ATP10A: variants seen among roughly 807,000 people sequenced by gnomAD.
ATP10A encodes ATPase phospholipid transporting 10A (putative), also known as phospholipid-transporting ATPase VA.
A neutral mutation model predicts 147.8 loss-of-function variants in ATP10A; 111 were observed. The observed-to-expected ratio is 0.75, with a 90% CI of 0.64 to 0.88. The LOEUF (loss-of-function observed/expected upper bound fraction) is 0.88. Ranked by LOEUF, ATP10A falls within the 40% of genes least tolerant of loss-of-function variation. The probability of loss-of-function intolerance (pLI) is 0.00; values close to 1 mark genes in which losing one functional copy is unlikely to be tolerated. For synonymous variants in ATP10A, 875 were observed against 841.6 expected (o/e 1.04, Z -0.69); for missense variants, 1,927 against 1,959.0 (o/e 0.98, Z 0.31).
chr15:25,817,192 C>T (rs982092835), intron 1 of ATP10A, among the ~76,000 whole-genome samples: 3 of 152,174 alleles, frequency 2.0e-5, no homozygotes, highest in African/African-American at 4.8e-5. Flanking sequence ...AAGCAGTTCT[C>T]CTGCCTCAGC....
At chr15:25,783,477 A>AC (rs34937685) in intron 1 of ATP10A, among the ~76,000 whole-genome samples, 47,787 of 145,218 alleles carry the variant, frequency 0.33, 7,907 homozygotes, top group East Asian at 0.53. Context: ...GATTTGAGGG[A>AC]CCCCCCCCTG....
At chr15:25,778,269 C>T (rs1482654775) in intron 2 of ATP10A, among the ~76,000 whole-genome samples, 1 of 152,044 alleles carries the variant, frequency 6.6e-6, no homozygotes, top group Non-Finnish European at 1.5e-5. Context: ...AGATTATTAC[C>T]AGTTCTTAAC....
intron 1 of ATP10A, among the ~76,000 whole-genome samples, chr15:25,858,298 G>A (rs149382337): frequency 1.3e-5 from 2 of 152,250 alleles, no homozygotes; most frequent in Non-Finnish European, 1.5e-5. Flanking sequence ...CAGAGATGCT[G>A]TGCTTCCCAG....
downstream of ATP10A, among the ~76,000 whole-genome samples, chr15:25,674,197 A>G (rs534410162): frequency 1.9e-3 from 282 of 152,300 alleles, 1 homozygote; most frequent in African/African-American, 6.5e-3. Flanking sequence ...AGGTCCCCTC[A>G]GGCTTGCTGG....
rs758325304 is a variant in ATP10A, at chr15:25,713,882, G to A, written c.2136C>T (p.Cys712=). 4 of 1,613,766 alleles carry A rather than the reference G, an allele frequency of 2.5e-6. No individual in the cohort carries two copies. The highest frequency in any genetic ancestry group is 1.1e-5 in the South Asian group (1 of 91,090). ...GGTCGTGCAGCCGCTCCACAAGCAC[G>A]CAGTTGTAGGCTCTGGCCGCATACA... ...ALVYAARAYN[C]VLVERLHDQV... is the part of the protein sequence containing the mutation. The change falls in exon 10 of 21, where the codon TGC becomes TGT. Residue 712 remains cysteine, a synonymous_variant. Transcript: ENST00000555815.
chr15:25,850,245 C>A (rs1010121087), intron 1 of ATP10A, among the ~76,000 whole-genome samples: 6 of 152,092 alleles, frequency 3.9e-5, no homozygotes, highest in African/African-American at 1.4e-4. Context: ...GTGGGGAGCA[C>A]CCAGCAGGAA....
chr15:25,694,455 C>A (rs567940157), intron 14 of ATP10A, among the ~76,000 whole-genome samples: 1 of 152,330 alleles, frequency 6.6e-6, no homozygotes, highest in Admixed American at 6.5e-5. Context: ...AAAGGACCTT[C>A]TAAGTTGGCC....
At chr15:25,803,821 C>T (rs1174039902) in intron 1 of ATP10A, among the ~76,000 whole-genome samples, 3 of 152,186 alleles carry the variant, frequency 2.0e-5, no homozygotes, top group Admixed American at 6.5e-5. Flanking sequence ...TGAGTGTAAC[C>T]GGGAGCCGCT....
chr15:25,818,813 C>T (rs1308889059), intron 1 of ATP10A, among the ~76,000 whole-genome samples: 2 of 151,940 alleles, frequency 1.3e-5, no homozygotes, highest in African/African-American at 2.4e-5. Flanking sequence ...CTCACAAAGT[C>T]GACAAAAACG....
In ATP10A at chr15:25,718,310, C is replaced by T. The variant is rs759871370; in HGVS notation, c.1453G>A (p.Gly485Ser). 8 of 1,611,398 alleles carry T rather than the reference C, an allele frequency of 5.0e-6. No individual in the cohort carries two copies. Among genetic ancestry groups the T allele is most frequent in the African/African-American group, 1.3e-5 (1 of 75,016 alleles). ...ACCACCCGGACACTCTGGTGGCTGC[C>T]GATGCTGCCGCGCTGGGACACCGAG... The part of the protein sequence containing the change: ...GGSVSQRGSI[G>S]SHQSVRVVHR... Residue 485 changes from glycine to serine, a missense_variant, in exon 8 of 21, where the codon GGC becomes AGC. Coordinates refer to ENST00000555815, the MANE Select transcript of ATP10A (RefSeq NM_024490.4).
At chr15:25,740,167 A>G (rs891633067) in intron 2 of ATP10A, among the ~76,000 whole-genome samples, 2 of 152,254 alleles carry the variant, frequency 1.3e-5, no homozygotes, top group Non-Finnish European at 2.9e-5. Context: ...TACTCAACAA[A>G]AGCAAATACA....
intron 2 of ATP10A, 27 bp downstream of exon 2, chr15:25,780,992 A>G (rs8038726): frequency 0.82 from 1,313,943 of 1,609,650 alleles, 536,678 homozygotes; most frequent in Middle Eastern, 0.88. Context: ...TAATGCCTGC[A>G]AGGCCCTGGA....
chr15:25,864,757 A>C (rs1439283296), upstream of ATP10A, among the ~76,000 whole-genome samples: 2 of 152,160 alleles, frequency 1.3e-5, no homozygotes, highest in Non-Finnish European at 2.9e-5. Context: ...ACCCAAACGG[A>C]GCATCAACTG....
chr15:25,681,101 T>C, intron 17 of ATP10A, 27 bp from the exon 18 acceptor site: 1 of 1,602,932 alleles, frequency 6.2e-7, no homozygotes. Context: ...ATCAGTGATG[T>C]TACAGTGAAG....
At chr15:25,674,264 A>G (rs563690574), downstream of ATP10A, among the ~76,000 whole-genome samples, 152 of 152,328 alleles carry the variant, frequency 1.0e-3, no homozygotes, top group Non-Finnish European at 1.7e-3. Context: ...AGTGTTTTCC[A>G]AACAGAATAA....
At chr15:25,736,444 A>G (rs1451075279) in intron 2 of ATP10A, among the ~76,000 whole-genome samples, 1 of 152,254 alleles carries the variant, frequency 6.6e-6, no homozygotes, top group African/African-American at 2.4e-5. Flanking sequence ...GAGGCCATCA[A>G]TGAAGCAAAG....
chr15:25,769,782 G>A (rs1181263877), intron 2 of ATP10A, among the ~76,000 whole-genome samples: 1 of 152,184 alleles, frequency 6.6e-6, no homozygotes, highest in Non-Finnish European at 1.5e-5. Flanking sequence ...ACTGTGAGGG[G>A]TTGAATTCTA....
At chr15:25,761,854 T>C (rs1265869494) in intron 2 of ATP10A, among the ~76,000 whole-genome samples, 1 of 152,176 alleles carries the variant, frequency 6.6e-6, no homozygotes, top group Non-Finnish European at 1.5e-5. Flanking sequence ...GACTTGGACT[T>C]TTGGGTTAAT....
rs143476926 is a variant in ATP10A, at chr15:25,809,779, G to T, written c.450-28556C>A. Among the ~76,000 whole-genome samples the T allele has an allele frequency of 3.8e-3, 571 of 152,182 alleles. 4 individuals carry two copies. The highest frequency in any genetic ancestry group is 0.013 in the African/African-American group (555 of 41,536). On this transcript the variant is annotated intron_variant, in intron 1 of 20. Coordinates refer to ENST00000555815, the MANE Select transcript of ATP10A (RefSeq NM_024490.4). ...CAGCAACATACTGTAACTTAAGCAC[G>T]GGAAGATCCTAAAACACATGACAGG...
Sources: allele counts gnomAD v4.1 joint callset (sites outside exome capture counted in the v4.1 genomes callset), GRCh38; gene constraint gnomAD v4.1.1; transcripts MANE v1.5; gene names NCBI Gene and HGNC (gene_info 2026-07-23, HGNC 2026-07-21).